The following NCOR2 variants were observed in gnomAD, a reference collection of about 807,000 sequenced individuals.
The protein encoded by NCOR2 is CTG repeat protein 26.
In NCOR2, 81 loss-of-function variants were observed where a neutral mutation model predicts 262.9. The ratio of observed to expected loss-of-function variants is 0.31; its 90% CI spans 0.26 to 0.37. The LOEUF (loss-of-function observed/expected upper bound fraction) is 0.37, where lower values mean the gene tolerates loss of function less well. Ranked by LOEUF, NCOR2 falls within the 10% of genes least tolerant of loss-of-function variation. NCOR2 has a pLI of 1.00. For synonymous variants in NCOR2, 1,659 were observed against 1,559.3 expected (o/e 1.06, Z -1.51); for missense variants, 3,385 against 3,621.4 (o/e 0.93, Z 1.68).
rs78127760 is a variant in NCOR2, at chr12:124,477,498, T to A, written c.412-4367A>T. Reference sequence around the variant, plus strand: ...ACTAACACAGGGAGTGACTGATTAATGAGTATGGGGGTCTCCTTTTGGGGT... The same window carrying A: ...ACTAACACAGGGAGTGACTGATTAAAGAGTATGGGGGTCTCCTTTTGGGGT... On this transcript the variant is annotated intron_variant, in intron 3 of 46. Transcript: ENST00000405201. Among the ~76,000 whole-genome samples, 741 of 152,334 alleles carry A rather than the reference T, an allele frequency of 4.9e-3. 8 individuals carry two copies. The highest frequency in any genetic ancestry group is 0.017 in the African/African-American group (718 of 41,580).
At chr12:124,348,056 C>T (rs553636481) in intron 29 of NCOR2, 118 bp downstream of exon 31, 2 of 1,523,292 alleles carry the variant, frequency 1.3e-6, no homozygotes, top group East Asian at 4.8e-5. Context: ...CCTGCGCTAC[C>T]TCCAGATGGA....
exon 24 of NCOR2, chr12:124,355,467 T>C (rs1014850699): frequency 6.2e-7 from 1 of 1,612,986 alleles, no homozygotes; most frequent in African/African-American, 1.3e-5. Flanking sequence ...TCGAGGACGC[T>C]GGGGTGCTTG....
chr12:124,550,867 A>G (rs701022), intron 1 of NCOR2, among the ~76,000 whole-genome samples: 149,850 of 152,292 alleles, frequency 0.98, 73,765 homozygotes, highest in East Asian at 1. Flanking sequence ...CACGGCACCC[A>G]GGCACCCAGA....
chr12:124,541,584 T>A lies in NCOR2; in HGVS notation c.-164-5973A>T, dbSNP rs114059857. Among the ~76,000 whole-genome samples, 51 of 10,746 alleles carry A rather than the reference T, an allele frequency of 4.7e-3. 1 individual carries two copies. Among genetic ancestry groups the A allele is most frequent in the African/African-American group, 0.025 (46 of 1,854 alleles). The allele number at this position is 10,746 out of a possible 152,430, so 7.0% of individuals were successfully genotyped here. ...TATGAGGAGTGGAGATTGAAGGGGA[T>A]GGGAAGTGGAGATGGAGCAGGTGGG... On this transcript the variant is annotated intron_variant, in intron 1 of 32. Coordinates refer to the NCOR2 transcript ENST00000458234.
In NCOR2 at chr12:124,385,085, G is replaced by C. The variant is rs533282430; in HGVS notation, c.2019+660C>G. On this transcript the variant is annotated intron_variant, in intron 17 of 46. Coordinates refer to ENST00000405201, the Ensembl canonical transcript of NCOR2. ...AGGGAAGGAGAGAGGGAAGGCAGCA[G>C]AGGTCTCCCCAAAATGCTCCTCAAT... Among the ~76,000 whole-genome samples, 4 of 152,264 alleles carry C rather than the reference G, an allele frequency of 2.6e-5. No homozygotes were observed. In the East Asian group the frequency reaches 7.7e-4, roughly 29 times the overall value.
chr12:124,494,716 G>T (rs1259906540), intron 1 of NCOR2, among the ~76,000 whole-genome samples: 1 of 152,170 alleles, frequency 6.6e-6, no homozygotes, highest in Non-Finnish European at 1.5e-5. Context: ...AATACACACG[G>T]AACGGGAGGA....
chr12:124,422,066 T>C (rs888803482), intron 12 of NCOR2, among the ~76,000 whole-genome samples: 4 of 152,190 alleles, frequency 2.6e-5, no homozygotes, highest in Non-Finnish European at 5.9e-5. Context: ...AGCTGGTCCC[T>C]CCAGTCCCTT....
intron 14 of NCOR2, among the ~76,000 whole-genome samples, chr12:124,402,067 G>A (rs1207638640): frequency 1.3e-5 from 2 of 152,192 alleles, no homozygotes; most frequent in African/African-American, 2.4e-5. Flanking sequence ...GGAGGAAAGA[G>A]CGGGAGGAAG....
chr12:124,327,408 C>T lies in NCOR2; in HGVS notation c.7183+1G>A, dbSNP rs1168484456. 3.1e-6 allele frequency: 5 copies of T among 1,606,700 alleles called. No homozygotes were observed. Among genetic ancestry groups the T allele is most frequent in the Non-Finnish European group, 3.4e-6 (4 of 1,177,194 alleles). ...GGGCGGGGCGGGGGTGGCCTGCAGA[C>T]CTGGCGAGGTGAGTGTGTGGTCACT... On this transcript the variant is annotated splice_donor_variant, in intron 45 of 46. Coordinates refer to ENST00000405201, the Ensembl canonical transcript of NCOR2. LOFTEE classifies it high-confidence loss of function.
At chr12:124,559,029 C>T (rs556889077) in intron 1 of NCOR2, among the ~76,000 whole-genome samples, 3 of 152,272 alleles carry the variant, frequency 2.0e-5, no homozygotes, top group African/African-American at 7.2e-5. Flanking sequence ...AGAGGGCCTC[C>T]GGACCCCAGA....
chr12:124,431,763 C>T (rs1408857623), intron 8 of NCOR2, among the ~76,000 whole-genome samples: 2 of 150,286 alleles, frequency 1.3e-5, no homozygotes, highest in African/African-American at 4.9e-5. Flanking sequence ...AGTAGACACA[C>T]AGTCACACAG....
At chr12:124,326,159 C>T (rs772942461) in intron 46 of NCOR2, 32 bp downstream of exon 48, 28 of 1,458,568 alleles carry the variant, frequency 1.9e-5, no homozygotes, top group South Asian at 1.1e-4. Context: ...GGGGGCTCAG[C>T]GAGCCCAGCC....
chr12:124,349,494 T>C (rs3782247), intron 28 of NCOR2, among the ~76,000 whole-genome samples: 49,560 of 151,758 alleles, frequency 0.33, 8,567 homozygotes, highest in East Asian at 0.59. Context: ...AGATTTCAGA[T>C]AAAAACGGAG....
At chr12:124,360,063 T>C (rs1453027505) in intron 22 of NCOR2, among the ~76,000 whole-genome samples, 1 of 152,174 alleles carries the variant, frequency 6.6e-6, no homozygotes, top group African/African-American at 2.4e-5. Flanking sequence ...TGGCTCCCTT[T>C]CTCCCAGGAC....
At chr12:124,543,767 G>A (rs1385867114) in intron 1 of NCOR2, among the ~76,000 whole-genome samples, 3 of 152,190 alleles carry the variant, frequency 2.0e-5, no homozygotes, top group African/African-American at 7.2e-5. Flanking sequence ...GACAGGGCAG[G>A]GAGCGCAGCC....
chr12:124,433,269 C>A (rs935327591), intron 8 of NCOR2, among the ~76,000 whole-genome samples: 1 of 152,120 alleles, frequency 6.6e-6, no homozygotes, highest in Admixed American at 6.5e-5. Context: ...CTGCTGACAG[C>A]CCCAGTGAGG....
chr12:124,349,331 G>C (rs2135879768), intron 28 of NCOR2, among the ~76,000 whole-genome samples: 1 of 152,318 alleles, frequency 6.6e-6, no homozygotes, highest in South Asian at 2.1e-4. Context: ...CCACCCCTCA[G>C]AGGGAATGAG....
chr12:124,448,294 G>A (rs977698606), intron 7 of NCOR2, among the ~76,000 whole-genome samples: 2 of 152,228 alleles, frequency 1.3e-5, no homozygotes, highest in African/African-American at 4.8e-5. Context: ...CCAGACAGGG[G>A]CCCCAGAGCA....
chr12:124,472,938 CT>C lies in NCOR2; in HGVS notation c.591+13del. 2 of 1,613,560 alleles carry C rather than the reference CT, an allele frequency of 1.2e-6. No homozygotes were observed. Among genetic ancestry groups the C allele is most frequent in the Non-Finnish European group, 1.7e-6 (2 of 1,179,490 alleles). On this transcript the variant is annotated intron_variant, in intron 4 of 46. Transcript: ENST00000405201. The stretch of plus-strand genomic sequence containing the variant: ...CTCAGAACAAACACTCCCCCTCCCC[CT>C]GCCCATTCACACCTGCTTCTTCTTC...
Sources: gnomAD v4.1 joint callset for allele counts (sites outside exome capture counted in the v4.1 genomes callset) on GRCh38, gnomAD v4.1.1 for gene constraint, MANE v1.5 for transcripts, NCBI Gene and HGNC (gene_info 2026-07-23, HGNC 2026-07-21) for gene names.